The following ARHGAP22 variants were observed in gnomAD, a reference collection of about 807,000 sequenced individuals.
The protein encoded by ARHGAP22 is Rho GTPase activating protein 22, also known as rho GTPase-activating protein 22.
ARHGAP22 carries 48 observed loss-of-function variants against 59.1 expected under a neutral mutation model. That is an observed-to-expected ratio of 0.81 (90% confidence interval 0.64 to 1.03). The LOEUF is 1.03. Ranked by LOEUF, ARHGAP22 falls within the 50% of genes least tolerant of loss-of-function variation. The probability of loss-of-function intolerance (pLI) is 0.00; values close to 1 mark genes in which losing one functional copy is unlikely to be tolerated. For missense variants in ARHGAP22, 1,015 were observed against 958.7 expected, an observed-to-expected ratio of 1.06 and a Z score of -0.78; for synonymous variants, 445 against 416.4, an observed-to-expected ratio of 1.07 and a Z score of -0.84.
chr10:48,497,392 G>T (rs751879699), intron 3 of ARHGAP22, among the ~76,000 whole-genome samples: 2 of 152,214 alleles, frequency 1.3e-5, no homozygotes, highest in Non-Finnish European at 2.9e-5. Context: ...CTCAGCCAGG[G>T]ATAGGAGGAG....
chr10:48,568,621 G>C (rs1358353417), intron 2 of ARHGAP22, among the ~76,000 whole-genome samples: 1 of 152,222 alleles, frequency 6.6e-6, no homozygotes, highest in Non-Finnish European at 1.5e-5. Flanking sequence ...TCTCTGATCT[G>C]GGACTCAGGT....
chr10:48,576,797 G>C (rs1445710676), intron 2 of ARHGAP22, among the ~76,000 whole-genome samples: 1 of 152,030 alleles, frequency 6.6e-6, no homozygotes, highest in Non-Finnish European at 1.5e-5. Context: ...TTTCTAATTA[G>C]TATGCTTATG....
chr10:48,503,493 C>T (rs746747896), intron 3 of ARHGAP22, among the ~76,000 whole-genome samples: 2 of 152,236 alleles, frequency 1.3e-5, no homozygotes, highest in South Asian at 2.1e-4. Context: ...AGGCCCCACA[C>T]CTGCTGCTGC....
intron 3 of ARHGAP22, among the ~76,000 whole-genome samples, chr10:48,499,291 G>T (rs571272024): frequency 6.6e-6 from 1 of 152,326 alleles, no homozygotes; most frequent in East Asian, 1.9e-4. Flanking sequence ...GCCACAGGCC[G>T]CCCACATAGC....
chr10:48,455,063 G>A lies in ARHGAP22; in HGVS notation c.731C>T (p.Pro244Leu). The change falls in exon 6 of 10, where the codon CCC (proline) becomes CTC (leucine). Residue 244 changes from proline to leucine, a missense_variant. By Grantham distance (98) the Pro-to-Leu change is moderately conservative. Transcript: ENST00000249601. Reference protein sequence around the residue: ...YLRELPEPVVPFARYEDFLSC... With the variant: ...YLRELPEPVVLFARYEDFLSC... ...GAGGAAGTCCTCGTACCTGGCGAAGGGGACCACGGGCTCGGGGAGCTCCCG... is the reference window on the plus strand; with the variant it reads ...GAGGAAGTCCTCGTACCTGGCGAAGAGGACCACGGGCTCGGGGAGCTCCCG... The A allele has an allele frequency of 6.2e-7, 1 of 1,612,504 alleles. No individual in the cohort carries two copies. Among genetic ancestry groups the A allele is most frequent in the Non-Finnish European group, 8.5e-7 (1 of 1,179,550 alleles).
intron 3 of ARHGAP22, among the ~76,000 whole-genome samples, chr10:48,545,936 G>A (rs548718956): frequency 2.6e-5 from 4 of 152,300 alleles, no homozygotes; most frequent in East Asian, 1.9e-4. Context: ...CAGCCCTCTC[G>A]TCTTACACAG....
At position 48,450,875 on chromosome 10, in the gene ARHGAP22, A is replaced by G. The variant is rs1283384801; in HGVS notation, c.1254T>C (p.Pro418=). 2 of 1,587,338 alleles carry G rather than the reference A, an allele frequency of 1.3e-6. No homozygotes were observed. Among genetic ancestry groups the G allele is most frequent in the African/African-American group, 1.3e-5 (1 of 74,300 alleles). The change falls in exon 9 of 10, where the codon CCT becomes CCC. Residue 418 remains proline, a synonymous_variant. Coordinates refer to ENST00000249601, the MANE Select transcript of ARHGAP22 (RefSeq NM_021226.4). ...APTGPGSRCS[P]GKKVQTLPSW... ...TGGGCAGGGTCTGCACCTTCTTCCC[A>G]GGGCTGCACCGGCTCCCCGGCCCCG... is the stretch of plus-strand genomic sequence containing the variant.
At chr10:48,629,265 A>T (rs911498043) in intron 1 of ARHGAP22, among the ~76,000 whole-genome samples, 5 of 152,184 alleles carry the variant, frequency 3.3e-5, no homozygotes, top group African/African-American at 7.2e-5. Context: ...CTCAGAGCTA[A>T]GTATGGAGTC....
At chr10:48,431,953 CAT>C in the ARHGAP22 span, among the ~76,000 whole-genome samples, 2 of 152,112 alleles carry the variant, frequency 1.3e-5, no homozygotes, top group African/African-American at 4.8e-5. Flanking sequence ...TTATTGCACA[CAT>C]GTTATGGATG....
chr10:48,462,180 C>T (rs1021276162), intron 4 of ARHGAP22, among the ~76,000 whole-genome samples: 2 of 137,802 alleles, frequency 1.5e-5, no homozygotes, highest in East Asian at 2.2e-4. Flanking sequence ...GCTGGATGTG[C>T]GCTTATAAAC....
upstream of ARHGAP22, among the ~76,000 whole-genome samples, chr10:48,655,248 T>TGGG (rs2062763955): frequency 3.6e-5 from 4 of 110,242 alleles, no homozygotes; most frequent in African/African-American, 1.6e-4. Flanking sequence ...TGGATGTGTG[T>TGGG]GTGTGTGTGG....
intron 3 of ARHGAP22, among the ~76,000 whole-genome samples, chr10:48,520,795 G>A (rs945475664): frequency 3.9e-5 from 6 of 152,046 alleles, no homozygotes; most frequent in South Asian, 2.1e-4. Context: ...GGTGAGGGGC[G>A]AAGAGCTCCA....
At position 48,451,093 on chromosome 10, in the gene ARHGAP22, T is replaced by A. The variant is rs2045896872; in HGVS notation, c.1036A>T (p.Ser346Cys). The part of the protein sequence containing the change: ...HLMTVLIRKH[S>C]QLFTAPVPEG... ...GGGACCGGTGCCGTGAAGAGCTGGCTGTGTTTGCGGATGAGGACGGTCATC... is the reference window on the plus strand; with the variant it reads ...GGGACCGGTGCCGTGAAGAGCTGGCAGTGTTTGCGGATGAGGACGGTCATC... The change falls in exon 9 of 10, where the codon AGC (serine) becomes TGC (cysteine). Residue 346 changes from serine to cysteine, a missense_variant. Physicochemically the swap from Ser to Cys is moderately radical, Grantham distance 112. Transcript: ENST00000249601. 1 of 1,553,154 alleles carries A rather than the reference T, an allele frequency of 6.4e-7. No homozygotes were observed. Among genetic ancestry groups the A allele is most frequent in the Non-Finnish European group, 8.7e-7 (1 of 1,148,254 alleles).
At chr10:48,435,054 AG>A in the ARHGAP22 span, 3 of 373,702 alleles carry the variant, frequency 8.0e-6, no homozygotes, top group Non-Finnish European at 1.5e-5. Context: ...GGGGGGTGGG[AG>A]GGATGGGGAG....
At chr10:48,485,963 T>C (rs1268981730) in intron 3 of ARHGAP22, among the ~76,000 whole-genome samples, 2 of 152,208 alleles carry the variant, frequency 1.3e-5, no homozygotes, top group African/African-American at 2.4e-5. Flanking sequence ...AATGTGATTA[T>C]TGGGATGCTT....
At chr10:48,490,440 T>C (rs7081715) in intron 3 of ARHGAP22, among the ~76,000 whole-genome samples, 143,772 of 152,190 alleles carry the variant, frequency 0.94, 68,471 homozygotes, top group East Asian at 1. Flanking sequence ...CCATACATTG[T>C]CAAATGTCCC....
intron 1 of ARHGAP22, among the ~76,000 whole-genome samples, chr10:48,597,705 C>T (rs907013429): frequency 5.3e-5 from 8 of 152,204 alleles, no homozygotes; most frequent in African/African-American, 1.4e-4. Context: ...TGGCCCAGGA[C>T]CCCAGGTGCT....
In ARHGAP22 at chr10:48,457,306, G is replaced by A. The variant is rs188417391; in HGVS notation, c.660-2172C>T. The stretch of plus-strand genomic sequence containing the variant: ...CCTCGACCTGCCCCCCAGCCGGGCC[G>A]CCTGCTTCACCCCACCTGGGTGTCC... On this transcript the variant is annotated intron_variant, in intron 5 of 9. Coordinates refer to ENST00000249601, the MANE Select transcript of ARHGAP22 (RefSeq NM_021226.4). Among the ~76,000 whole-genome samples the A allele has an allele frequency of 4.0e-3, 612 of 152,208 alleles. 6 individuals carry two copies. Among genetic ancestry groups the A allele is most frequent in the African/African-American group, 0.014 (593 of 41,538 alleles).
Position 48,489,486 on chromosome 10 carries a change from T to C in ARHGAP22, c.323-9722A>G, listed in dbSNP as rs193012102. Among the ~76,000 whole-genome samples the C allele has an allele frequency of 5.9e-5, 9 of 152,332 alleles. No individual in the cohort carries two copies. In the East Asian group the frequency reaches 1.7e-3, roughly 29 times the overall value. ...GGAGGATTACAAGATTACAACAAAC[T>C]TGGGGACTTTCTACAGTGTTCCATG... On this transcript the variant is annotated intron_variant, in intron 3 of 9. Coordinates refer to ENST00000249601, the MANE Select transcript of ARHGAP22 (RefSeq NM_021226.4).
Sources: allele counts gnomAD v4.1 joint callset (sites outside exome capture counted in the v4.1 genomes callset), GRCh38; gene constraint gnomAD v4.1.1; transcripts MANE v1.5; gene names NCBI Gene and HGNC (gene_info 2026-07-23, HGNC 2026-07-21).